The following NREP variants were observed in gnomAD, a reference collection of about 807,000 sequenced individuals.
NREP encodes the protein neuronal regeneration-related protein.
NREP carries 5 observed loss-of-function variants against 8.6 expected under a neutral mutation model. The ratio of observed to expected loss-of-function variants is 0.58; its 90% CI spans 0.30 to 1.22. The LOEUF is 1.22. Among genes scored for constraint, NREP ranks in the 50% most tolerant of loss-of-function variants. The probability of loss-of-function intolerance (pLI) is 0.07; values close to 1 mark genes in which losing one functional copy is unlikely to be tolerated. For missense variants in NREP, 86 were observed against 82.5 expected (o/e 1.04, Z -0.17); for synonymous variants, 27 against 28.0 (o/e 0.96, Z 0.11).
At chr5:111,897,925 T>C (rs1754551329) in intron 2 of NREP, among the ~76,000 whole-genome samples, 1 of 152,206 alleles carries the variant, frequency 6.6e-6, no homozygotes, top group South Asian at 2.1e-4. Flanking sequence ...ATACTGAATG[T>C]TTAATTAATG....
intron 2 of NREP, among the ~76,000 whole-genome samples, chr5:111,866,698 A>G (rs1227645394): frequency 1.3e-5 from 2 of 152,164 alleles, no homozygotes; most frequent in African/African-American, 4.8e-5. Flanking sequence ...ATGCACACGT[A>G]TGTTTATTGC....
intron 2 of NREP, among the ~76,000 whole-genome samples, chr5:111,764,696 T>C (rs980762008): frequency 6.6e-6 from 1 of 152,202 alleles, no homozygotes; most frequent in Non-Finnish European, 1.5e-5. Flanking sequence ...ATGAGGTTCT[T>C]AAAAACATAA....
intron 2 of NREP, among the ~76,000 whole-genome samples, chr5:111,882,341 A>C (rs986392766): frequency 1.3e-5 from 2 of 152,250 alleles, no homozygotes; most frequent in African/African-American, 2.4e-5. Flanking sequence ...GAAAAGACTG[A>C]ATCTACGTCT....
chr5:111,960,848 T>C (rs1017768056), intron 2 of NREP, among the ~76,000 whole-genome samples: 4 of 152,216 alleles, frequency 2.6e-5, no homozygotes, highest in Admixed American at 6.5e-5. Flanking sequence ...CAGTTAGGTA[T>C]TTATAAAGCT....
At chr5:111,791,722 C>T (rs1751751764) in intron 2 of NREP, among the ~76,000 whole-genome samples, 1 of 152,226 alleles carries the variant, frequency 6.6e-6, no homozygotes, top group African/African-American at 2.4e-5. Context: ...ATCTTCCTGC[C>T]TCCGCCTCCC....
intron 2 of NREP, among the ~76,000 whole-genome samples, chr5:111,933,612 A>G (rs1022680984): frequency 6.6e-6 from 1 of 151,714 alleles, no homozygotes; most frequent in African/African-American, 2.4e-5. Context: ...CAGACCCATC[A>G]CTCCCCAAAC....
intron 2 of NREP, among the ~76,000 whole-genome samples, chr5:111,787,304 A>G (rs1364638203): frequency 6.6e-6 from 1 of 152,186 alleles, no homozygotes; most frequent in African/African-American, 2.4e-5. Context: ...GAGAGAGAGA[A>G]ATATTGTTTA....
upstream of NREP, chr5:111,758,215 G>GCGTGCACACACACA: frequency 4.1e-6 from 4 of 985,528 alleles, no homozygotes; most frequent in South Asian, 1.4e-4. Context: ...CTGTGGCTGC[G>GCGTGCACACACACA]CGTGCACACA....
At position 111,921,910 on chromosome 5, in the gene NREP, C is replaced by T. The variant is rs572609252; in HGVS notation, c.135+53364G>A. ...GGGGTTTCCACTTTTGCTTCTTCCT[C>T]ATTTTTCTCTTGCTGCCATGAGGTA... On this transcript the variant is annotated intron_variant, in intron 2 of 3. Transcript: ENST00000395634. Among the ~76,000 whole-genome samples the T allele has an allele frequency of 2.6e-5, 4 of 152,208 alleles. No homozygotes were observed. The East Asian group carries it at 7.7e-4, about 29-fold the overall frequency.
chr5:111,753,440 TAA>T (rs1248990144), intron 2 of NREP, among the ~76,000 whole-genome samples: 1 of 149,912 alleles, frequency 6.7e-6, no homozygotes, highest in Non-Finnish European at 1.5e-5. Flanking sequence ...CGAGAATCCT[TAA>T]GTGTCTCCAC....
At chr5:111,743,172 C>G (rs1221646468) in intron 2 of NREP, among the ~76,000 whole-genome samples, 6 of 151,874 alleles carry the variant, frequency 4.0e-5, no homozygotes, top group African/African-American at 1.2e-4. Context: ...AATAAAGCAG[C>G]CTTTTTAAAA....
At chr5:111,748,629 A>T (rs2112834045) in intron 2 of NREP, among the ~76,000 whole-genome samples, 1 of 152,294 alleles carries the variant, frequency 6.6e-6, no homozygotes, top group South Asian at 2.1e-4. Flanking sequence ...TTCACTTTGT[A>T]GAAAGAGAAC....
At chr5:111,835,675 GA>G (rs1162372643) in intron 2 of NREP, among the ~76,000 whole-genome samples, 1 of 152,090 alleles carries the variant, frequency 6.6e-6, no homozygotes, top group Non-Finnish European at 1.5e-5. Context: ...AACCTTAAAG[GA>G]AATAAAGATA....
intron 2 of NREP, among the ~76,000 whole-genome samples, chr5:111,889,766 A>G (rs1754349739): frequency 6.6e-6 from 1 of 152,130 alleles, no homozygotes. Context: ...CTTGGGTGCA[A>G]GTGGGCTGAG....
chr5:111,733,535 C>T (rs902484870), intron 3 of NREP: 16 of 151,830 alleles, frequency 1.1e-4, no homozygotes, highest in African/African-American at 3.9e-4. Flanking sequence ...AGGCTTTCTG[C>T]CCCAACTAAA....
chr5:111,921,466 T>C (rs1242339367), intron 2 of NREP, among the ~76,000 whole-genome samples: 4 of 152,152 alleles, frequency 2.6e-5, no homozygotes, highest in Non-Finnish European at 5.9e-5. Context: ...TTAGTTGACA[T>C]AGAAACAGCA....
chr5:111,943,706 C>A (rs984574319), intron 2 of NREP, among the ~76,000 whole-genome samples: 1 of 152,102 alleles, frequency 6.6e-6, no homozygotes. Flanking sequence ...GCTCTGCCCT[C>A]ATGGAGCTTA....
At chr5:111,844,683 T>A (rs992633624) in intron 2 of NREP, among the ~76,000 whole-genome samples, 3 of 147,278 alleles carry the variant, frequency 2.0e-5, no homozygotes, top group African/African-American at 4.9e-5. Context: ...ATATATTATA[T>A]ATATATAATA....
chr5:111,894,252 A>G (rs957982014), intron 2 of NREP, among the ~76,000 whole-genome samples: 1 of 151,910 alleles, frequency 6.6e-6, no homozygotes, highest in Non-Finnish European at 1.5e-5. Context: ...TTAATAATAA[A>G]TTTTTCCAAC....
Sources: gnomAD v4.1 joint callset for allele counts (sites outside exome capture counted in the v4.1 genomes callset) on GRCh38, gnomAD v4.1.1 for gene constraint, MANE v1.5 for transcripts, NCBI Gene and HGNC (gene_info 2026-07-23, HGNC 2026-07-21) for gene names.